ZBTB43: variants seen among roughly 807,000 people sequenced by gnomAD.
The protein encoded by ZBTB43 is zinc finger and BTB domain containing 43, also known as zinc finger and BTB domain-containing protein 43.
ZBTB43 carries 6 observed loss-of-function variants against 31.1 expected under a neutral mutation model. The ratio of observed to expected loss-of-function variants is 0.19; its 90% CI spans 0.11 to 0.38. The LOEUF (loss-of-function observed/expected upper bound fraction) is 0.38. ZBTB43 is among the 10% of genes least tolerant of loss of function. ZBTB43 has a pLI of 1.00. For missense variants in ZBTB43, 379 were observed against 602.1 expected (o/e 0.63, Z 3.88); for synonymous variants, 212 against 221.7 (o/e 0.96, Z 0.39).
Position 126,805,057 on chromosome 9 carries a change from T to G in ZBTB43, c.-222T>G, listed in dbSNP as rs2032090890. ...CACAGGCTGAATCTGTTGCGGCAGCTGAGGCTACAACAGGCCTGCGCCGGC... is the reference window on the plus strand; with the variant it reads ...CACAGGCTGAATCTGTTGCGGCAGCGGAGGCTACAACAGGCCTGCGCCGGC... On this transcript the variant is annotated 5_prime_UTR_variant, in exon 1 of 3. Coordinates refer to ENST00000373464, the MANE Select transcript of ZBTB43 (RefSeq NM_014007.4). 6.6e-6 allele frequency: 1 copy of G among 152,416 alleles called. No individual in the cohort carries two copies. 9.4% of individuals were successfully genotyped at this position (152,416 alleles called of 1,614,324 possible). A position where few individuals can be genotyped will look rare whatever the true frequency, so the allele number is the denominator to read the frequency against.
chr9:126,822,667 G>C (rs1044263489), intron 2 of ZBTB43, among the ~76,000 whole-genome samples: 4 of 152,186 alleles, frequency 2.6e-5, no homozygotes, highest in Non-Finnish European at 5.9e-5. Context: ...TTGAGCCCAG[G>C]AGGTCAAGGC....
At position 126,837,193 on chromosome 9, in the gene ZBTB43, G is replaced by GC. The variant is rs1402122249; in HGVS notation, c.*3280_*3281insC. Reference sequence around the variant, plus strand: ...TCCACGTGGTGAAGTGCATGTCACCGTTAACTAAGGAAGGACTGCGGTAAC... The same window carrying GC: ...TCCACGTGGTGAAGTGCATGTCACCGCTTAACTAAGGAAGGACTGCGGTAAC... On this transcript the variant is annotated 3_prime_UTR_variant, in exon 3 of 3. Transcript: ENST00000373464. 1 of 166,904 alleles carries GC rather than the reference G, an allele frequency of 6.0e-6. No homozygotes were observed. Among genetic ancestry groups the GC allele is most frequent in the Non-Finnish European group, 1.5e-5 (1 of 68,114 alleles). 10.3% of individuals were successfully genotyped at this position (166,904 alleles called of 1,614,324 possible).
At position 126,833,509 on chromosome 9, in the gene ZBTB43, C is replaced by A. The variant is rs764711346; in HGVS notation, c.1000C>A (p.Leu334Ile). The A allele has an allele frequency of 5.0e-6, 8 of 1,614,128 alleles. No individual in the cohort carries two copies. The highest frequency in any genetic ancestry group is 6.8e-6 in the Non-Finnish European group (8 of 1,180,028). ...TTCCGGAGAGAGGTCAGATGGGAATCTAATTGGGCACAGACAGGAGGCTGC... is the reference window on the plus strand; with the variant it reads ...TTCCGGAGAGAGGTCAGATGGGAATATAATTGGGCACAGACAGGAGGCTGC... The part of the protein sequence containing the change: ...EFSGERSDGN[L>I]IGHRQEAALA... Residue 334 changes from leucine to isoleucine, a missense_variant, in exon 3 of 3, where the codon CTA becomes ATA. Leu to Ile is a conservative substitution (Grantham distance 5). Coordinates refer to ENST00000373464, the MANE Select transcript of ZBTB43 (RefSeq NM_014007.4). This position sits in a 1 kb window ranked among gnomAD's most constrained non-coding sequence, Gnocchi z 7.9.
At chr9:126,815,917 T>C (rs773831074) in intron 2 of ZBTB43, among the ~76,000 whole-genome samples, 21 of 152,264 alleles carry the variant, frequency 1.4e-4, no homozygotes, top group African/African-American at 4.8e-4. Flanking sequence ...TATTTTTGTA[T>C]TATGTAAATG....
intron 2 of ZBTB43, among the ~76,000 whole-genome samples, chr9:126,824,301 A>G (rs1404686622): frequency 1.3e-5 from 2 of 152,260 alleles, no homozygotes; most frequent in African/African-American, 4.8e-5. Context: ...CTGGGATTAT[A>G]GGCATGAGCC....
At chr9:126,831,101 G>A (rs918841123) in intron 2 of ZBTB43, among the ~76,000 whole-genome samples, 1 of 152,148 alleles carries the variant, frequency 6.6e-6, no homozygotes, top group African/African-American at 2.4e-5. Flanking sequence ...CAGGGCCTGA[G>A]TGACTGTGCC....
chr9:126,807,816 A>C (rs549631161), intron 1 of ZBTB43, among the ~76,000 whole-genome samples: 1 of 152,076 alleles, frequency 6.6e-6, no homozygotes, highest in Non-Finnish European at 1.5e-5. Flanking sequence ...TTGTATTTTT[A>C]GTAGAGACAG....
chr9:126,833,011 G>A lies in ZBTB43; in HGVS notation c.502G>A (p.Ala168Thr). The stretch of plus-strand genomic sequence containing the variant: ...TGGGGGTCATACTGATTTTCCCAAA[G>A]CCCAAGAACTGAGAGATGGTGAAAA... Reference protein sequence around the residue: ...GSGGHTDFPKAQELRDGENEE... With the variant: ...GSGGHTDFPKTQELRDGENEE... The change falls in exon 3 of 3, where the codon GCC becomes ACC. Residue 168 changes from alanine (A) to threonine (T), a missense_variant. Transcript: ENST00000373464. The surrounding 1 kb of genome is among the most constrained non-coding windows in gnomAD (Gnocchi z 7.9). 1 of 1,613,846 alleles carries A rather than the reference G, an allele frequency of 6.2e-7. No individual in the cohort carries two copies. The highest frequency in any genetic ancestry group is 8.5e-7 in the Non-Finnish European group (1 of 1,180,026).
intron 2 of ZBTB43, among the ~76,000 whole-genome samples, chr9:126,830,101 T>C (rs2032732853): frequency 1.3e-5 from 2 of 152,226 alleles, no homozygotes; most frequent in South Asian, 4.1e-4. Context: ...CATCCAGACC[T>C]GGATTCACAT....
At chr9:126,811,126 G>T (rs767906774) in intron 2 of ZBTB43, among the ~76,000 whole-genome samples, 5 of 151,218 alleles carry the variant, frequency 3.3e-5, no homozygotes, top group Non-Finnish European at 7.4e-5. Context: ...GGAGGCTGAG[G>T]CAGGAGAATC....
At chr9:126,828,435 G>A (rs1031752056) in intron 2 of ZBTB43, among the ~76,000 whole-genome samples, 18 of 151,202 alleles carry the variant, frequency 1.2e-4, no homozygotes, top group African/African-American at 3.6e-4. Flanking sequence ...CACCCGCCTC[G>A]GCCTCCCAAA....
chr9:126,821,654 A>G (rs2032511706), intron 2 of ZBTB43, among the ~76,000 whole-genome samples: 1 of 152,234 alleles, frequency 6.6e-6, no homozygotes, highest in East Asian at 1.9e-4. Context: ...ACTTGAGTGG[A>G]TGAGAAGTTG....
chr9:126,804,193 C>T (rs1252828002), upstream of ZBTB43, among the ~76,000 whole-genome samples: 2 of 151,922 alleles, frequency 1.3e-5, no homozygotes, highest in Admixed American at 6.6e-5. Context: ...AAGAAAGGGG[C>T]GAGAAGAGGT....
rs141155220 is a variant in ZBTB43 at position 126,813,040 on chromosome 9, G to A, written c.-24+4125G>A. Among the ~76,000 whole-genome samples the A allele has an allele frequency of 3.7e-3, 560 of 151,610 alleles. 7 individuals are homozygous for A. Among genetic ancestry groups the A allele is most frequent in the African/African-American group, 0.013 (518 of 41,230 alleles). On this transcript the variant is annotated intron_variant, in intron 2 of 2. Transcript: ENST00000373464. The stretch of plus-strand genomic sequence containing the variant: ...TTGTTGCCCAGGCTGGAGTGCTTTG[G>A]CATGATCTCGGCTCACTGCAACCTC...
chr9:126,827,516 A>G (rs1161771643), intron 2 of ZBTB43, among the ~76,000 whole-genome samples: 1 of 152,012 alleles, frequency 6.6e-6, no homozygotes, highest in Non-Finnish European at 1.5e-5. Flanking sequence ...CCCTCCATCC[A>G]GCACTCTCTT....
rs761830141 is a variant in ZBTB43, at chr9:126,833,503, G to A, written c.994G>A (p.Gly332Arg). 1 of 1,614,182 alleles carries A rather than the reference G, an allele frequency of 6.2e-7. No individual in the cohort carries two copies. Among genetic ancestry groups the A allele is most frequent in the Non-Finnish European group, 8.5e-7 (1 of 1,180,034 alleles). The stretch of plus-strand genomic sequence containing the variant: ...AGAGTTTTCCGGAGAGAGGTCAGAT[G>A]GGAATCTAATTGGGCACAGACAGGA... ...MEEFSGERSD[G>R]NLIGHRQEAA... The change falls in exon 3 of 3, where the codon GGG becomes AGG. Residue 332 changes from glycine (G) to arginine (R), a missense_variant. This residue lies in a region of ZBTB43 where 253 missense variants were observed against 322.3 expected (regional missense o/e 0.79). Transcript: ENST00000373464. The surrounding 1 kb of genome is among the most constrained non-coding windows in gnomAD (Gnocchi z 7.9).
In ZBTB43 at chr9:126,805,661, T is replaced by C. The variant is rs954529652; in HGVS notation, c.-147+529T>C. On this transcript the variant is annotated intron_variant, in intron 1 of 2. Coordinates refer to ENST00000373464, the MANE Select transcript of ZBTB43 (RefSeq NM_014007.4). Reference sequence around the variant, plus strand: ...CAGCTAGGTCGCTGTCAACCTGATATTTCTCTCCACTTTGTCTTTGTCGGG... The same window carrying C: ...CAGCTAGGTCGCTGTCAACCTGATACTTCTCTCCACTTTGTCTTTGTCGGG... Among the ~76,000 whole-genome samples the C allele has an allele frequency of 9.8e-5, 15 of 152,354 alleles. No individual in the cohort carries two copies. In the South Asian group the frequency reaches 1.4e-3, roughly 15 times the overall value.
chr9:126,825,189 C>T (rs968156379), intron 2 of ZBTB43, among the ~76,000 whole-genome samples: 3 of 152,194 alleles, frequency 2.0e-5, no homozygotes, highest in Non-Finnish European at 2.9e-5. Context: ...GATCCTCCCA[C>T]CTCAGCCTCC....
At chr9:126,807,235 G>A (rs1379105550) in intron 1 of ZBTB43, among the ~76,000 whole-genome samples, 3 of 152,156 alleles carry the variant, frequency 2.0e-5, no homozygotes, top group Admixed American at 6.5e-5. Context: ...GGCTTAATAC[G>A]CTCTTATCGT....
Sources: allele counts gnomAD v4.1 joint callset (sites outside exome capture counted in the v4.1 genomes callset), GRCh38; gene constraint gnomAD v4.1.1; regional missense constraint gnomAD v4.1.1; non-coding constraint Gnocchi (gnomAD v3.1); transcripts MANE v1.5; gene names NCBI Gene and HGNC (gene_info 2026-07-23, HGNC 2026-07-21).